Variants in MYO5C observed in about 807,000 individuals in gnomAD.
MYO5C encodes unconventional myosin-Vc.
MYO5C carries 194 observed loss-of-function variants against 235.7 expected under a neutral mutation model. That is an observed-to-expected ratio of 0.82 (90% CI 0.73 to 0.93). MYO5C has a LOEUF of 0.93. Among genes scored for constraint, MYO5C ranks in the 40% least tolerant of loss-of-function variants. The pLI is 0.00. For synonymous variants in MYO5C, 707 were observed against 754.8 expected, an observed-to-expected ratio of 0.94 and a Z score of 1.04; for missense variants, 2,038 against 2,127.2, an observed-to-expected ratio of 0.96 and a Z score of 0.82.
intron 22 of MYO5C, among the ~76,000 whole-genome samples, chr15:52,235,977 C>T (rs1251034307): frequency 5.9e-5 from 9 of 152,162 alleles, no homozygotes; most frequent in South Asian, 2.1e-4. Flanking sequence ...ACACTATTCC[C>T]GACCTGGCCA....
At chr15:52,281,514 C>T (rs2140860207) in intron 2 of MYO5C, among the ~76,000 whole-genome samples, 1 of 152,354 alleles carries the variant, frequency 6.6e-6, no homozygotes, top group African/African-American at 2.4e-5. Context: ...TCAATAAAAA[C>T]TGCGAGGAGC....
chr15:52,279,139 T>C (rs2037111937), intron 3 of MYO5C, 122 bp from the exon 4 acceptor site: 1 of 1,044,786 alleles, frequency 9.6e-7, no homozygotes, highest in Admixed American at 2.5e-5. Flanking sequence ...TTTGGGCAAG[T>C]CACTTCACGC....
At position 52,272,707 on chromosome 15, in the gene MYO5C, T is replaced by C; in HGVS notation, c.623A>G (p.Lys208Arg). 6.2e-7 allele frequency: 1 copy of C among 1,613,130 alleles called. No homozygotes were observed. Among genetic ancestry groups the C allele is most frequent in the South Asian group, 1.1e-5 (1 of 90,672 alleles). ...NPITEAVGNA[K>R]TTRNDNSSRF... is the part of the protein sequence containing the mutation. ...ACTACTATTGTCATTGCGGGTGGTCTTGGCATTTCCAACGGCCTAAAAAAA... is the reference window on the plus strand; with the variant it reads ...ACTACTATTGTCATTGCGGGTGGTCCTGGCATTTCCAACGGCCTAAAAAAA... Residue 208 changes from lysine to arginine, a missense_variant, in exon 6 of 41, where the codon AAG becomes AGG. Coordinates refer to ENST00000261839, the MANE Select transcript of MYO5C (RefSeq NM_018728.4).
rs752077400 is a variant in MYO5C at position 52,275,691 on chromosome 15, T to C, written c.477A>G (p.Val159=). ...ARNNRNQSII[V]SGESGAGKTV... ...TCTTTCCAGCACCTGACTCCCCACT[T>C]ACAATTATGGACTGGTTTCTGTTGT... The change falls in exon 5 of 41, where the codon GTA becomes GTG. Residue 159 remains valine (V), a synonymous_variant. Transcript: ENST00000261839. 3 of 1,614,212 alleles carry C rather than the reference T, an allele frequency of 1.9e-6. No homozygotes were observed. In the Admixed American group the frequency reaches 5.0e-5, roughly 27 times the overall value.
At chr15:52,292,010 A>C (rs1311516788) in intron 1 of MYO5C, among the ~76,000 whole-genome samples, 2 of 151,982 alleles carry the variant, frequency 1.3e-5, no homozygotes, top group Admixed American at 6.5e-5. Flanking sequence ...AAGTGCTGGG[A>C]TTACAGGCGT....
chr15:52,234,800 G>A (rs1416052474), intron 23 of MYO5C, among the ~76,000 whole-genome samples: 3 of 152,064 alleles, frequency 2.0e-5, no homozygotes, highest in African/African-American at 4.8e-5. Flanking sequence ...CCCACTCTCC[G>A]CCCTGAACTC....
At chr15:52,293,453 A>C (rs549642610) in intron 1 of MYO5C, among the ~76,000 whole-genome samples, 1 of 152,034 alleles carries the variant, frequency 6.6e-6, no homozygotes, top group African/African-American at 2.4e-5. Flanking sequence ...CCCACCCTGC[A>C]AGGCACCTTC....
chr15:52,245,981 T>C lies in MYO5C; in HGVS notation c.2041A>G (p.Ile681Val), dbSNP rs763366036. Residue 681 changes from isoleucine to valine, a missense_variant, in exon 17 of 41, where the codon ATT (isoleucine) becomes GTT (valine). Coordinates refer to ENST00000261839, the MANE Select transcript of MYO5C (RefSeq NM_018728.4). Reference protein sequence around the residue: ...RACGVLETIRISAQSYPSRWT... With the variant: ...RACGVLETIRVSAQSYPSRWT... ...CTGGAAGGGTAGCTCTGTGCACTAATGCGAATCGTTTCTAAAACGCCGCAG... is the reference window on the plus strand; with the variant it reads ...CTGGAAGGGTAGCTCTGTGCACTAACGCGAATCGTTTCTAAAACGCCGCAG... The C allele has an allele frequency of 2.0e-5, 33 of 1,614,082 alleles. 1 individual carries two copies. In the African/African-American group the frequency reaches 2.9e-4, roughly 14 times the overall value.
At chr15:52,221,535 G>A (rs115837758) in intron 29 of MYO5C, among the ~76,000 whole-genome samples, 124 of 152,296 alleles carry the variant, frequency 8.1e-4, no homozygotes, top group African/African-American at 2.9e-3. Flanking sequence ...TGAGTTGAGG[G>A]AGGAATTAGG....
At chr15:52,268,647 A>G (rs995773747) in intron 8 of MYO5C, among the ~76,000 whole-genome samples, 1 of 152,202 alleles carries the variant, frequency 6.6e-6, no homozygotes, top group Non-Finnish European at 1.5e-5. Context: ...GTCTAGACTC[A>G]TACAGAATGA....
chr15:52,235,817 G>A (rs776959806), intron 22 of MYO5C, 54 bp from the exon 23 acceptor site: 2 of 1,141,932 alleles, frequency 1.8e-6, no homozygotes, highest in Admixed American at 3.8e-5. Context: ...ACTTCAAGTT[G>A]TCACCATTGC....
intron 35 of MYO5C, among the ~76,000 whole-genome samples, chr15:52,209,049 G>A (rs985315490): frequency 6.6e-6 from 1 of 152,160 alleles, no homozygotes; most frequent in African/African-American, 2.4e-5. Flanking sequence ...GAGCAGCCAG[G>A]GAAACCTCAG....
intron 16 of MYO5C, 27 bp downstream of exon 16, chr15:52,246,890 C>A: frequency 6.3e-7 from 1 of 1,577,716 alleles, no homozygotes; most frequent in South Asian, 1.1e-5. Flanking sequence ...CCCACGTCTT[C>A]GCTGTGTGTT....
chr15:52,238,623 T>C (rs1322511164), intron 21 of MYO5C, among the ~76,000 whole-genome samples: 1 of 152,120 alleles, frequency 6.6e-6, no homozygotes, highest in African/African-American at 2.4e-5. Flanking sequence ...ATATGGATGT[T>C]TCTTTTCTTT....
chr15:52,280,318 A>G (rs946634984), intron 2 of MYO5C, among the ~76,000 whole-genome samples: 1 of 152,120 alleles, frequency 6.6e-6, no homozygotes, highest in African/African-American at 2.4e-5. Flanking sequence ...GTCTATTCCT[A>G]TCAGTCTCAG....
intron 1 of MYO5C, among the ~76,000 whole-genome samples, chr15:52,286,038 C>T (rs1194986759): frequency 6.6e-6 from 1 of 152,074 alleles, no homozygotes; most frequent in East Asian, 1.9e-4. Context: ...AGCGCCTCTG[C>T]CCTGCCGCCC....
rs1469755457 is a variant in MYO5C at position 52,264,537 on chromosome 15, AAAATTAATATCCCAGT to A, written c.941-257_941-242del. 5.9e-5 allele frequency among the ~76,000 whole-genome samples: 9 copies of A among 152,168 alleles called. 1 individual carries two copies. Among genetic ancestry groups the A allele is most frequent in the Non-Finnish European group, 1.2e-4 (8 of 68,028 alleles). The stretch of plus-strand genomic sequence containing the variant: ...CATGGCTGCTAGGAAGTTCAACACA[AAAATTAATATCCCAGT>A]AATCATTTCACATTAGGTTCCTCGG... On this transcript the variant is annotated intron_variant, in intron 8 of 40. Transcript: ENST00000261839.
intron 32 of MYO5C, among the ~76,000 whole-genome samples, chr15:52,217,993 G>A (rs1479489200): frequency 6.6e-6 from 1 of 152,174 alleles, no homozygotes; most frequent in Non-Finnish European, 1.5e-5. Context: ...ATTGATGTAA[G>A]GTTACCCGAT....
intron 25 of MYO5C, among the ~76,000 whole-genome samples, chr15:52,226,993 CA>C (rs1274809812): frequency 6.7e-6 from 1 of 149,898 alleles, no homozygotes; most frequent in Non-Finnish European, 1.5e-5. Context: ...ACTAAAAATA[CA>C]AAAAAAAATT....
Sources: allele counts gnomAD v4.1 joint callset (sites outside exome capture counted in the v4.1 genomes callset), GRCh38; gene constraint gnomAD v4.1.1; transcripts MANE v1.5; gene names NCBI Gene and HGNC (gene_info 2026-07-23, HGNC 2026-07-21).